B4GALNT3: variants seen among roughly 807,000 people sequenced by gnomAD.
B4GALNT3 encodes beta-1,4-N-acetyl-galactosaminyltransferase 3.
B4GALNT3 carries 86 observed loss-of-function variants against 120.2 expected under a neutral mutation model. The ratio of observed to expected loss-of-function variants is 0.72; its 90% confidence interval spans 0.60 to 0.86. The LOEUF is 0.86. B4GALNT3 is among the 40% of genes least tolerant of loss of function. B4GALNT3 has a pLI of 0.00. For missense variants in B4GALNT3, 1,167 were observed against 1,298.9 expected (o/e 0.90, Z 1.56); for synonymous variants, 518 against 510.4 (o/e 1.01, Z -0.20).
chr12:463,441 G>A (rs1399927794), intron 1 of B4GALNT3, among the ~76,000 whole-genome samples: 1 of 152,176 alleles, frequency 6.6e-6, no homozygotes, highest in Non-Finnish European at 1.5e-5. Context: ...AATTAGGACT[G>A]TTCACGCATT....
At chr12:496,632 C>T (rs991017355) in intron 1 of B4GALNT3, among the ~76,000 whole-genome samples, 1 of 152,020 alleles carries the variant, frequency 6.6e-6, no homozygotes, top group Non-Finnish European at 1.5e-5. Context: ...TACAATTCAG[C>T]GGCATTTAGT....
chr12:494,776 G>GT (rs1280340428), intron 1 of B4GALNT3, among the ~76,000 whole-genome samples: 2 of 151,998 alleles, frequency 1.3e-5, no homozygotes, highest in Non-Finnish European at 2.9e-5. Context: ...AGGCAGTGAT[G>GT]GGGGGAGTAA....
rs140115052 is a variant in B4GALNT3 at position 556,596 on chromosome 12, C to G, written c.2110C>G (p.Leu704Val). ...IVNVEKRQDQ[L>V]RGGRYLLELE... ...GAACGTGGAAAAGCGTCAGGACCAG[C>G]TACGTGGGGGTCGCTACCTCCTGGA... The change falls in exon 15 of 20, where the codon CTA (leucine) becomes GTA (valine). Residue 704 changes from leucine to valine, a missense_variant. Leu to Val is a conservative substitution (Grantham distance 32). Transcript: ENST00000266383. 1.1e-5 allele frequency: 18 copies of G among 1,613,926 alleles called. No individual in the cohort carries two copies. Among genetic ancestry groups the G allele is most frequent in the African/African-American group, 1.1e-4 (8 of 74,934 alleles).
In B4GALNT3 at chr12:515,360, A is replaced by AT. The variant is rs373660612; in HGVS notation, c.170-19796dup. 5.4e-4 allele frequency among the ~76,000 whole-genome samples: 81 copies of AT among 149,098 alleles called. 1 individual carries two copies. Among genetic ancestry groups the AT allele is most frequent in the Non-Finnish European group, 9.4e-4 (63 of 67,010 alleles). On this transcript the variant is annotated intron_variant, in intron 1 of 19. Transcript: ENST00000266383. The stretch of plus-strand genomic sequence containing the variant: ...AGGCGGGCACCACCACACCCAGCTA[A>AT]TTTTTTTTTTCGTATTTTAGTAGAG...
rs1437484488 is a variant in B4GALNT3, at chr12:550,888, C to T, written c.998-34C>T. Reference sequence around the variant, plus strand: ...CTTCAGCCCCAGTTTCGTGCTCACCCTCACCCTCACTCCTCCTCCTCCACT... The same window carrying T: ...CTTCAGCCCCAGTTTCGTGCTCACCTTCACCCTCACTCCTCCTCCTCCACT... On this transcript the variant is annotated intron_variant, in intron 10 of 19. Coordinates refer to ENST00000266383, the MANE Select transcript of B4GALNT3 (RefSeq NM_173593.4). This position sits in a 1 kb window ranked among gnomAD's most constrained non-coding sequence, Gnocchi z 4.1. The T allele has an allele frequency of 6.5e-6, 10 of 1,540,718 alleles. No individual in the cohort carries two copies. Among genetic ancestry groups the T allele is most frequent in the Non-Finnish European group, 8.1e-6 (9 of 1,114,866 alleles).
intron 18 of B4GALNT3, among the ~76,000 whole-genome samples, chr12:558,971 G>GTA (rs937439433): frequency 3.3e-5 from 5 of 151,968 alleles, no homozygotes; most frequent in African/African-American, 1.2e-4. Context: ...GATGGGAAAG[G>GTA]TAGCCTCCCT....
chr12:471,344 C>T (rs1216497709), intron 1 of B4GALNT3, among the ~76,000 whole-genome samples: 1 of 150,248 alleles, frequency 6.7e-6, no homozygotes, highest in Non-Finnish European at 1.5e-5. Context: ...GATTTTGTGC[C>T]ACTGCACTCC....
rs1306258692 is a variant in B4GALNT3 at position 460,355 on chromosome 12, G to A, written c.-22G>A. On this transcript the variant is annotated 5_prime_UTR_variant, in exon 1 of 20. Transcript: ENST00000266383. The surrounding 1 kb of genome is among the most constrained non-coding windows in gnomAD (Gnocchi z 8.0). ...CGGGGGGTTGGAGCCCGCGCTGGCG[G>A]CGGCCGCCTCGGCGCAGCGCCATGG... 7.6e-5 allele frequency: 86 copies of A among 1,129,822 alleles called. No homozygotes were observed. Among genetic ancestry groups the A allele is most frequent in the Admixed American group, 1.0e-4 (2 of 19,746 alleles). 70.0% of individuals were successfully genotyped at this position (1,129,822 alleles called of 1,614,324 possible).
chr12:494,219 C>T (rs559475583), intron 1 of B4GALNT3, among the ~76,000 whole-genome samples: 94 of 150,608 alleles, frequency 6.2e-4, no homozygotes, highest in South Asian at 1.0e-3. Flanking sequence ...TCAAGGCTGC[C>T]GTGAGCCATG....
chr12:560,389 C>T (rs921740995), intron 19 of B4GALNT3, among the ~76,000 whole-genome samples: 2 of 152,168 alleles, frequency 1.3e-5, no homozygotes, highest in African/African-American at 4.8e-5. Context: ...TTATTTCTCC[C>T]CAGACCTCAG....
At chr12:541,963 G>C (rs1056310384) in intron 3 of B4GALNT3, among the ~76,000 whole-genome samples, 3 of 151,686 alleles carry the variant, frequency 2.0e-5, no homozygotes, top group African/African-American at 7.3e-5. Context: ...CTAGGGAGGG[G>C]GCAGAAAGAA....
At position 536,308 on chromosome 12, in the gene B4GALNT3, C is replaced by G; in HGVS notation, c.351+13C>G. 9 of 1,595,230 alleles carry G rather than the reference C, an allele frequency of 5.6e-6. No homozygotes were observed. The highest frequency in any genetic ancestry group is 7.7e-6 in the Non-Finnish European group (9 of 1,162,898). On this transcript the variant is annotated intron_variant, in intron 3 of 19. Coordinates refer to ENST00000266383, the MANE Select transcript of B4GALNT3 (RefSeq NM_173593.4). ...CTGGCTCTCAGAGGTGAGGGACTTTCTATTGTACCTGCCCTTTGAGAGAGC... is the reference window on the plus strand; with the variant it reads ...CTGGCTCTCAGAGGTGAGGGACTTTGTATTGTACCTGCCCTTTGAGAGAGC...
At chr12:512,161 TTCCACCTTCCGCCTTCC>T (rs1268288232) in intron 1 of B4GALNT3, among the ~76,000 whole-genome samples, 4,955 of 98,528 alleles carry the variant, frequency 0.05, 941 homozygotes, top group African/African-American at 0.15. Context: ...GCCTTCCGCC[TTCCACCTTCCGCCTTCC>T]GCCTTCCACC....
chr12:525,086 T>TTTTTTTTATTTA (rs1555156518), intron 1 of B4GALNT3, among the ~76,000 whole-genome samples: 5 of 130,532 alleles, frequency 3.8e-5, no homozygotes, highest in African/African-American at 1.3e-4. Flanking sequence ...AATAACACAA[T>TTTTTTTTATTTA]TTTATTTATT....
chr12:538,680 C>T (rs1565606033), intron 3 of B4GALNT3, among the ~76,000 whole-genome samples: 1 of 151,500 alleles, frequency 6.6e-6, no homozygotes, highest in Non-Finnish European at 1.5e-5. Context: ...ATATTCATTA[C>T]AGTCTTCATG....
At chr12:553,098 T>C (rs960058814) in intron 13 of B4GALNT3, 96 bp from the exon 14 acceptor site, 6 of 1,517,992 alleles carry the variant, frequency 4.0e-6, no homozygotes, top group Non-Finnish European at 5.3e-6. Context: ...TGGAGCCCCA[T>C]GGTGCGTCAC....
At chr12:534,383 C>T (rs1479731191) in intron 1 of B4GALNT3, among the ~76,000 whole-genome samples, 1 of 152,082 alleles carries the variant, frequency 6.6e-6, no homozygotes, top group African/African-American at 2.4e-5. Flanking sequence ...CAGCAGTGGC[C>T]GGCCGCCGGA....
chr12:512,215 CCTTCCACCTT>C (rs1565598546), intron 1 of B4GALNT3, among the ~76,000 whole-genome samples: 1 of 115,374 alleles, frequency 8.7e-6, no homozygotes, highest in Non-Finnish European at 1.8e-5. Flanking sequence ...CCACCTTCCA[CCTTCCACCTT>C]CTTCCACCTT....
rs1946013733 is a variant in B4GALNT3 at position 460,758 on chromosome 12, C to T, written c.169+213C>T. 6.6e-6 allele frequency among the ~76,000 whole-genome samples: 1 copy of T among 152,132 alleles called. No individual in the cohort carries two copies. Among genetic ancestry groups the T allele is most frequent in the South Asian group, 2.1e-4 (1 of 4,834 alleles). On this transcript the variant is annotated intron_variant, in intron 1 of 19. Transcript: ENST00000266383. This position sits in a 1 kb window ranked among gnomAD's most constrained non-coding sequence, Gnocchi z 8.0. Reference sequence around the variant, plus strand: ...CAGAATTCCCGAGCCCGGGCCTGCCCGCCGGCCACGTGGGTCCGGGGCACC... The same window carrying T: ...CAGAATTCCCGAGCCCGGGCCTGCCTGCCGGCCACGTGGGTCCGGGGCACC...
Sources: allele counts gnomAD v4.1 joint callset (sites outside exome capture counted in the v4.1 genomes callset), GRCh38; gene constraint gnomAD v4.1.1; non-coding constraint Gnocchi (gnomAD v3.1); transcripts MANE v1.5; gene names NCBI Gene and HGNC (gene_info 2026-07-23, HGNC 2026-07-21).